UTRN: variants seen among roughly 807,000 people sequenced by gnomAD.
UTRN encodes the protein utrophin.
UTRN carries 283 observed loss-of-function variants against 463.9 expected under a neutral mutation model. That is an observed-to-expected ratio of 0.61 (90% CI 0.55 to 0.67). The LOEUF is 0.67. UTRN is among the 30% of genes least tolerant of loss of function. The pLI is 0.00. For missense variants in UTRN, 3,922 were observed against 4,084.3 expected, an observed-to-expected ratio of 0.96 and a Z score of 1.08; for synonymous variants, 1,442 against 1,431.5, an observed-to-expected ratio of 1.01 and a Z score of -0.17.
At chr6:144,728,052 G>A (rs1278454398) in intron 53 of UTRN, among the ~76,000 whole-genome samples, 1 of 141,304 alleles carries the variant, frequency 7.1e-6, no homozygotes, top group African/African-American at 2.7e-5. Context: ...AGTGAGCCAA[G>A]ATTATGCCAC....
chr6:144,325,412 T>C (rs1775915641), intron 2 of UTRN, among the ~76,000 whole-genome samples: 1 of 152,184 alleles, frequency 6.6e-6, no homozygotes. Context: ...CCTTTTTCCA[T>C]GGGATGATGT....
chr6:144,543,459 C>T (rs1012958012), intron 46 of UTRN, among the ~76,000 whole-genome samples: 2 of 152,204 alleles, frequency 1.3e-5, no homozygotes, highest in Non-Finnish European at 2.9e-5. Flanking sequence ...GTTGCCACTG[C>T]CTTGCAAGTT....
chr6:144,719,448 C>T (rs1786861440), intron 53 of UTRN, among the ~76,000 whole-genome samples: 1 of 152,030 alleles, frequency 6.6e-6, no homozygotes, highest in Admixed American at 6.6e-5. Flanking sequence ...GTGGTGACAC[C>T]TGCCTGTAAT....
intron 51 of UTRN, among the ~76,000 whole-genome samples, chr6:144,664,887 T>G (rs1039475938): frequency 6.6e-6 from 1 of 151,592 alleles, no homozygotes; most frequent in Non-Finnish European, 1.5e-5. Flanking sequence ...TATATATATA[T>G]ATTTTTAAAA....
chr6:144,434,045 T>G (rs1450335831), intron 9 of UTRN, among the ~76,000 whole-genome samples: 1 of 152,212 alleles, frequency 6.6e-6, no homozygotes, highest in Non-Finnish European at 1.5e-5. Flanking sequence ...CACTCCAGCC[T>G]GGGCACCATT....
At chr6:144,756,904 A>T (rs1184782574) in intron 57 of UTRN, among the ~76,000 whole-genome samples, 1 of 152,098 alleles carries the variant, frequency 6.6e-6, no homozygotes, top group Non-Finnish European at 1.5e-5. Flanking sequence ...CATCTATCAA[A>T]TGGAACTTTA....
At chr6:144,686,619 T>C (rs778947577) in intron 52 of UTRN, among the ~76,000 whole-genome samples, 4 of 152,184 alleles carry the variant, frequency 2.6e-5, no homozygotes, top group Non-Finnish European at 5.9e-5. Context: ...TCTTGTTGGA[T>C]TGATCCTTTT....
intron 61 of UTRN, among the ~76,000 whole-genome samples, chr6:144,788,783 G>A (rs990695080): frequency 1.5e-4 from 23 of 152,118 alleles, no homozygotes; most frequent in African/African-American, 4.1e-4. Flanking sequence ...GGCTGGTCTC[G>A]AACTCCTGAC....
intron 51 of UTRN, among the ~76,000 whole-genome samples, chr6:144,619,828 G>A (rs1015731914): frequency 2.5e-4 from 38 of 152,114 alleles, no homozygotes; most frequent in African/African-American, 7.7e-4. Flanking sequence ...GAAATTTTGC[G>A]GATAATGTTT....
chr6:144,718,681 C>T (rs1162389374), intron 53 of UTRN, among the ~76,000 whole-genome samples: 2 of 152,146 alleles, frequency 1.3e-5, no homozygotes, highest in Admixed American at 6.5e-5. Flanking sequence ...AAATCTTTGT[C>T]TGGTTTTACT....
chr6:144,324,130 C>A (rs1227024096), intron 2 of UTRN, among the ~76,000 whole-genome samples: 8 of 152,126 alleles, frequency 5.3e-5, no homozygotes, highest in African/African-American at 1.9e-4. Flanking sequence ...ATTTTTATTT[C>A]ATTGTTAATA....
At chr6:144,351,726 G>A (rs1778125538) in intron 2 of UTRN, among the ~76,000 whole-genome samples, 1 of 152,194 alleles carries the variant, frequency 6.6e-6, no homozygotes, top group African/African-American at 2.4e-5. Flanking sequence ...CCAAATAGAG[G>A]TGAACTGTCA....
intron 51 of UTRN, among the ~76,000 whole-genome samples, chr6:144,639,375 A>G (rs984922531): frequency 6.6e-6 from 1 of 151,704 alleles, no homozygotes; most frequent in Non-Finnish European, 1.5e-5. Context: ...CTGTCCTTAA[A>G]TCTCTTTCAT....
At chr6:144,324,116 G>A (rs929586583) in intron 2 of UTRN, among the ~76,000 whole-genome samples, 3 of 152,056 alleles carry the variant, frequency 2.0e-5, no homozygotes, top group Non-Finnish European at 4.4e-5. Context: ...TTTACACTGG[G>A]TGTATTTTTA....
intron 56 of UTRN, among the ~76,000 whole-genome samples, chr6:144,754,498 C>T (rs1791762071): frequency 6.7e-6 from 1 of 148,494 alleles, no homozygotes; most frequent in Non-Finnish European, 1.5e-5. Flanking sequence ...GAGTACCTGG[C>T]ACTGTTTACT....
At chr6:144,541,345 A>G (rs1797962299) in intron 45 of UTRN, among the ~76,000 whole-genome samples, 1 of 152,172 alleles carries the variant, frequency 6.6e-6, no homozygotes, top group African/African-American at 2.4e-5. Flanking sequence ...ATTCAGTCGG[A>G]GCACACATAT....
At chr6:144,813,468 A>T (rs1345776674) in intron 65 of UTRN, among the ~76,000 whole-genome samples, 1 of 152,190 alleles carries the variant, frequency 6.6e-6, no homozygotes, top group Non-Finnish European at 1.5e-5. Context: ...GATTACAGGC[A>T]TGGGCCACCA....
intron 51 of UTRN, among the ~76,000 whole-genome samples, chr6:144,625,953 G>A (rs1489082556): frequency 6.6e-6 from 1 of 152,104 alleles, no homozygotes; most frequent in Admixed American, 6.6e-5. Flanking sequence ...ATCAGTTTCT[G>A]GCTGAAAAGT....
intron 2 of UTRN, among the ~76,000 whole-genome samples, chr6:144,392,545 T>C (rs1241837872): frequency 2.0e-5 from 3 of 152,276 alleles, no homozygotes; most frequent in African/African-American, 7.2e-5. Context: ...ACATTTCTCA[T>C]ATTCATTAAT....
Sources: allele counts gnomAD v4.1 joint callset (sites outside exome capture counted in the v4.1 genomes callset), GRCh38; gene constraint gnomAD v4.1.1; transcripts MANE v1.5; gene names NCBI Gene and HGNC (gene_info 2026-07-23, HGNC 2026-07-21).